Variants in PCDH15 observed in about 807,000 individuals in gnomAD.
PCDH15 encodes the protein protocadherin-15.
PCDH15 carries 129 observed loss-of-function variants against 178.5 expected under a neutral mutation model. The ratio of observed to expected loss-of-function variants is 0.72; its 90% CI spans 0.63 to 0.84. PCDH15 has a LOEUF of 0.84. PCDH15 is among the 40% of genes least tolerant of loss of function. PCDH15 has a pLI of 0.00. For missense variants in PCDH15, 2,230 were observed against 2,099.9 expected (o/e 1.06, Z -1.21); for synonymous variants, 800 against 732.0 (o/e 1.09, Z -1.50).
intron 1 of PCDH15, among the ~76,000 whole-genome samples, chr10:54,785,905 C>T (rs1234159970): frequency 6.6e-6 from 1 of 151,938 alleles, no homozygotes; most frequent in Non-Finnish European, 1.5e-5. Context: ...GCACCCCCTT[C>T]TCTCTGATAC....
At chr10:55,347,074 G>C in intron 2 of PCDH15, among the ~76,000 whole-genome samples, 1 of 151,978 alleles carries the variant, frequency 6.6e-6, no homozygotes, top group Non-Finnish European at 1.5e-5. Context: ...AATTAGCCAG[G>C]CGTGGTGGCA....
intron 2 of PCDH15, among the ~76,000 whole-genome samples, chr10:55,551,625 C>T (rs539073142): frequency 6.6e-6 from 1 of 151,650 alleles, no homozygotes; most frequent in Non-Finnish European, 1.5e-5. Context: ...AACAAATTAA[C>T]CTCAATTTGT....
At position 54,534,858 on chromosome 10, in the gene PCDH15, T is replaced by C. The variant is rs144806757; in HGVS notation, c.92-6981A>G. Among the ~76,000 whole-genome samples, 138 of 152,350 alleles carry C rather than the reference T, an allele frequency of 9.1e-4. 1 individual carries two copies. The highest frequency in any genetic ancestry group is 1.6e-3 in the Non-Finnish European group (108 of 68,026). ...CACAGGAGTGAAATCTTAAGACAGA[T>C]ACTACTTATTTTACATTTTGACTGC... On this transcript the variant is annotated intron_variant, in intron 2 of 37. Coordinates refer to ENST00000644397, the MANE Select transcript of PCDH15 (RefSeq NM_001384140.1).
chr10:55,028,811 A>T (rs548805226), intron 2 of PCDH15, among the ~76,000 whole-genome samples: 1 of 152,006 alleles, frequency 6.6e-6, no homozygotes, highest in Non-Finnish European at 1.5e-5. Flanking sequence ...AAGATCGTAC[A>T]TGTTTATCTG....
intron 7 of PCDH15, among the ~76,000 whole-genome samples, chr10:54,322,097 C>T (rs2061645860): frequency 6.6e-6 from 1 of 151,704 alleles, no homozygotes; most frequent in African/African-American, 2.4e-5. Context: ...ACAAAAACAA[C>T]AAAAACAGAA....
chr10:55,106,177 C>A (rs61850904), intron 2 of PCDH15, among the ~76,000 whole-genome samples: 9 of 152,078 alleles, frequency 5.9e-5, no homozygotes, highest in Non-Finnish European at 8.8e-5. Context: ...AGGAATTTAT[C>A]AGGCTGGTTA....
chr10:54,125,881 C>T (rs1389775298), intron 15 of PCDH15, among the ~76,000 whole-genome samples: 4 of 151,974 alleles, frequency 2.6e-5, no homozygotes, highest in African/African-American at 9.7e-5. Flanking sequence ...CCTTTTTTCT[C>T]AATAGAATAG....
intron 3 of PCDH15, among the ~76,000 whole-genome samples, chr10:54,845,509 A>G (rs1953493174): frequency 6.6e-6 from 1 of 152,122 alleles, no homozygotes; most frequent in Admixed American, 6.6e-5. Flanking sequence ...ATACTAGTTA[A>G]TTTACTGAAG....
chr10:54,139,662 G>A (rs1564514524), intron 14 of PCDH15, among the ~76,000 whole-genome samples: 1 of 150,108 alleles, frequency 6.7e-6, no homozygotes, highest in Non-Finnish European at 1.5e-5. Flanking sequence ...GAATTCTAAA[G>A]AAGATGTGTT....
intron 1 of PCDH15, among the ~76,000 whole-genome samples, chr10:54,789,458 A>G (rs1951188179): frequency 6.6e-6 from 1 of 151,712 alleles, no homozygotes. Flanking sequence ...CTTTAAGCAA[A>G]AGACAGAGGC....
intron 13 of PCDH15, among the ~76,000 whole-genome samples, chr10:54,169,829 T>C (rs1475800852): frequency 6.6e-6 from 1 of 151,808 alleles, no homozygotes; most frequent in Admixed American, 6.6e-5. Context: ...CTATAAACTC[T>C]CCTTACAATT....
chr10:53,862,408 A>G (rs951644861), intron 27 of PCDH15, among the ~76,000 whole-genome samples: 4 of 152,258 alleles, frequency 2.6e-5, no homozygotes, highest in East Asian at 3.9e-4. Context: ...TGCATTGGCC[A>G]CTTGGAAAAT....
At chr10:55,611,746 A>G (rs1843370606) in intron 2 of PCDH15, among the ~76,000 whole-genome samples, 1 of 152,106 alleles carries the variant, frequency 6.6e-6, no homozygotes, top group Admixed American at 6.6e-5. Context: ...AAGATATGGA[A>G]ACAATCTAAG....
At chr10:54,750,834 A>G (rs932841665) in intron 1 of PCDH15, among the ~76,000 whole-genome samples, 4 of 152,128 alleles carry the variant, frequency 2.6e-5, no homozygotes, top group African/African-American at 4.8e-5. Context: ...ATTTACCAAT[A>G]TATAAAATTC....
intron 27 of PCDH15, among the ~76,000 whole-genome samples, chr10:53,864,577 G>C (rs1037383076): frequency 1.3e-5 from 2 of 152,102 alleles, no homozygotes; most frequent in Non-Finnish European, 2.9e-5. Flanking sequence ...ATCCAGATAA[G>C]GGGTAGCCCA....
At chr10:53,977,786 T>C (rs191955012) in intron 21 of PCDH15, among the ~76,000 whole-genome samples, 1 of 152,316 alleles carries the variant, frequency 6.6e-6, no homozygotes, top group East Asian at 1.9e-4. Flanking sequence ...AATGGGGGTA[T>C]AGGCATTGGT....
chr10:54,964,223 A>G (rs1838725654), intron 2 of PCDH15, among the ~76,000 whole-genome samples: 1 of 152,202 alleles, frequency 6.6e-6, no homozygotes, highest in African/African-American at 2.4e-5. Context: ...GGCTGAGTCA[A>G]TTTCTATGTT....
intron 3 of PCDH15, among the ~76,000 whole-genome samples, chr10:54,894,813 T>A (rs539036167): frequency 3.3e-5 from 5 of 152,136 alleles, no homozygotes; most frequent in Non-Finnish European, 7.4e-5. Flanking sequence ...GGCCTGTATA[T>A]AAGTAGTGAA....
At chr10:53,960,354 A>T (rs1297749548) in intron 22 of PCDH15, among the ~76,000 whole-genome samples, 1 of 152,202 alleles carries the variant, frequency 6.6e-6, no homozygotes, top group African/African-American at 2.4e-5. Flanking sequence ...TCTAGAGGAT[A>T]AAATTGGAAA....
Sources: allele counts gnomAD v4.1 joint callset (sites outside exome capture counted in the v4.1 genomes callset), GRCh38; gene constraint gnomAD v4.1.1; transcripts MANE v1.5; gene names NCBI Gene and HGNC (gene_info 2026-07-23, HGNC 2026-07-21).